EFNA5: variants seen among roughly 807,000 people sequenced by gnomAD.
EFNA5 encodes the protein ephrin-A5.
A neutral mutation model predicts 22.9 loss-of-function variants in EFNA5; 5 were observed. The ratio of observed to expected loss-of-function variants is 0.22; its 90% CI spans 0.11 to 0.46. EFNA5 has a LOEUF of 0.46. EFNA5 is among the 20% of genes least tolerant of loss of function. The pLI is 0.99. For synonymous variants in EFNA5, 113 were observed against 112.2 expected, an observed-to-expected ratio of 1.01 and a Z score of -0.04; for missense variants, 237 against 293.3, an observed-to-expected ratio of 0.81 and a Z score of 1.40.
intron 1 of EFNA5, among the ~76,000 whole-genome samples, chr5:107,474,629 C>A (rs1750230212): frequency 1.3e-5 from 2 of 152,116 alleles, no homozygotes; most frequent in Admixed American, 1.3e-4. Flanking sequence ...CCTGGGATGG[C>A]TTTATCCTGT....
intron 1 of EFNA5, among the ~76,000 whole-genome samples, chr5:107,533,364 G>T (rs567109813): frequency 6.6e-6 from 1 of 152,166 alleles, no homozygotes; most frequent in Non-Finnish European, 1.5e-5. Flanking sequence ...CTATAGAGAA[G>T]TCTGAATTGG....
chr5:107,642,727 A>T (rs1750553680), intron 1 of EFNA5, among the ~76,000 whole-genome samples: 1 of 152,186 alleles, frequency 6.6e-6, no homozygotes, highest in Non-Finnish European at 1.5e-5. Flanking sequence ...CGCAAAATGG[A>T]GAGAAAGAAA....
rs567433506 is a variant in EFNA5 at position 107,401,842 on chromosome 5, T to C, written c.419-14071A>G. 2.2e-4 allele frequency among the ~76,000 whole-genome samples: 33 copies of C among 152,304 alleles called. No homozygotes were observed. In the South Asian group the frequency reaches 5.8e-3, roughly 27 times the overall value. The stretch of plus-strand genomic sequence containing the variant: ...CATTACCAGGCGGCTCCGGGGAAGT[T>C]GGCCCTCCTGTAAGTGTGCTCCTTT... On this transcript the variant is annotated intron_variant, in intron 2 of 4. Coordinates refer to ENST00000333274, the MANE Select transcript of EFNA5 (RefSeq NM_001962.3).
At chr5:107,646,020 G>T (rs1354529816) in intron 1 of EFNA5, among the ~76,000 whole-genome samples, 2 of 152,162 alleles carry the variant, frequency 1.3e-5, no homozygotes, top group East Asian at 3.9e-4. Flanking sequence ...ATAATCATAG[G>T]TTAGCTCTGG....
chr5:107,479,952 T>C (rs1437429710), intron 1 of EFNA5, among the ~76,000 whole-genome samples: 1 of 152,178 alleles, frequency 6.6e-6, no homozygotes, highest in African/African-American at 2.4e-5. Flanking sequence ...CTGAGTACAA[T>C]ACTCGTACTC....
chr5:107,578,162 G>A (rs1310282769), intron 1 of EFNA5, among the ~76,000 whole-genome samples: 4 of 152,136 alleles, frequency 2.6e-5, no homozygotes, highest in Non-Finnish European at 2.9e-5. Flanking sequence ...CAATCAACAA[G>A]AATTTATTAA....
At chr5:107,489,267 A>C (rs1308484608) in intron 1 of EFNA5, among the ~76,000 whole-genome samples, 1 of 151,814 alleles carries the variant, frequency 6.6e-6, no homozygotes, top group Non-Finnish European at 1.5e-5. Flanking sequence ...GCCGCCTTCC[A>C]GGTTCAAGCA....
intron 2 of EFNA5, among the ~76,000 whole-genome samples, chr5:107,426,047 T>C (rs1261851806): frequency 6.6e-6 from 1 of 152,168 alleles, no homozygotes; most frequent in Non-Finnish European, 1.5e-5. Flanking sequence ...ACTCCCTGAA[T>C]TTATCTTCAT....
chr5:107,536,973 C>T (rs163615), intron 1 of EFNA5, among the ~76,000 whole-genome samples: 113,334 of 151,378 alleles, frequency 0.75, 43,499 homozygotes, highest in African/African-American at 0.93. Flanking sequence ...GGTGTGGTGG[C>T]GGCTGCCTGT....
At chr5:107,412,438 A>G (rs1748394550) in intron 2 of EFNA5, among the ~76,000 whole-genome samples, 1 of 152,210 alleles carries the variant, frequency 6.6e-6, no homozygotes, top group South Asian at 2.1e-4. Context: ...GGTTGATAAT[A>G]AAACTTGATG....
chr5:107,497,726 G>T (rs79113319), intron 1 of EFNA5, among the ~76,000 whole-genome samples: 3,652 of 152,144 alleles, frequency 0.024, 148 homozygotes, highest in African/African-American at 0.084. Context: ...AGGACTCCTT[G>T]TTCAAAAAGC....
At position 107,380,936 on chromosome 5, in the gene EFNA5, A is replaced by G. The variant is rs1288968101; in HGVS notation, c.*319T>C. On this transcript the variant is annotated 3_prime_UTR_variant, in exon 5 of 5. Transcript: ENST00000333274. ...TAACGGAGGTGAGTTCTTAGAGGAG[A>G]ATGCACAGGAGCTGACGAACCACTG... is the stretch of plus-strand genomic sequence containing the variant. The G allele has an allele frequency of 1.1e-5, 5 of 442,966 alleles. No individual in the cohort carries two copies. The highest frequency in any genetic ancestry group is 1.9e-5 in the African/African-American group (1 of 51,328). The allele number at this position is 442,966 out of a possible 1,614,324, so 27.4% of individuals were successfully genotyped here.
intron 1 of EFNA5, among the ~76,000 whole-genome samples, chr5:107,483,421 A>T (rs1223170002): frequency 3.3e-5 from 5 of 151,796 alleles, no homozygotes; most frequent in Non-Finnish European, 7.4e-5. Flanking sequence ...TATAAGTCAC[A>T]CTCCAGCTGC....
chr5:107,522,588 T>G (rs1444042093), intron 1 of EFNA5, among the ~76,000 whole-genome samples: 1 of 152,146 alleles, frequency 6.6e-6, no homozygotes. Flanking sequence ...ATTATTTATT[T>G]TTTTTAGAGA....
intron 1 of EFNA5, among the ~76,000 whole-genome samples, chr5:107,475,559 A>T (rs1377903445): frequency 6.6e-6 from 1 of 152,214 alleles, no homozygotes; most frequent in Non-Finnish European, 1.5e-5. Flanking sequence ...TAAGGCTTTC[A>T]GTAGCACAAT....
intron 1 of EFNA5, among the ~76,000 whole-genome samples, chr5:107,501,862 A>G (rs926953847): frequency 7.9e-5 from 12 of 152,234 alleles, no homozygotes; most frequent in African/African-American, 2.9e-4. Context: ...GGTCAAAATA[A>G]TAGAACTAGA....
intron 1 of EFNA5, among the ~76,000 whole-genome samples, chr5:107,629,442 A>C (rs527557684): frequency 6.6e-6 from 1 of 152,206 alleles, no homozygotes; most frequent in Non-Finnish European, 1.5e-5. Flanking sequence ...GTCATCATAC[A>C]TTTATCCAAA....
At chr5:107,497,588 C>T (rs976813339) in intron 1 of EFNA5, among the ~76,000 whole-genome samples, 3 of 152,168 alleles carry the variant, frequency 2.0e-5, no homozygotes, top group South Asian at 2.1e-4. Flanking sequence ...CTGCATCTCA[C>T]GGCTACCTAG....
chr5:107,502,836 T>C (rs1417166862), intron 1 of EFNA5, among the ~76,000 whole-genome samples: 1 of 152,158 alleles, frequency 6.6e-6, no homozygotes, highest in Non-Finnish European at 1.5e-5. Flanking sequence ...CTATCTCTGA[T>C]ACGGTGCATC....
Sources: allele counts gnomAD v4.1 joint callset (sites outside exome capture counted in the v4.1 genomes callset), GRCh38; gene constraint gnomAD v4.1.1; transcripts MANE v1.5; gene names NCBI Gene and HGNC (gene_info 2026-07-23, HGNC 2026-07-21).